The following JARID2 variants were observed in gnomAD, a reference collection of about 807,000 sequenced individuals.
The protein encoded by JARID2 is protein Jumonji.
JARID2 carries 21 observed loss-of-function variants against 125.6 expected under a neutral mutation model. The observed-to-expected ratio is 0.17, with a 90% CI of 0.12 to 0.24. The LOEUF is 0.24. Ranked by LOEUF, JARID2 falls within the 10% of genes least tolerant of loss-of-function variation. The pLI is 1.00. For missense variants in JARID2, 1,303 were observed against 1,639.6 expected (o/e 0.79, Z 3.55); for synonymous variants, 736 against 661.6 (o/e 1.11, Z -1.73).
In JARID2 at chr6:15,418,756, A is replaced by G. The variant is rs1228283121; in HGVS notation, c.323+8391A>G. Among the ~76,000 whole-genome samples, 4 of 152,294 alleles carry G rather than the reference A, an allele frequency of 2.6e-5. No homozygotes were observed. The East Asian group carries it at 7.7e-4, about 29-fold the overall frequency. On this transcript the variant is annotated intron_variant, in intron 3 of 17. Transcript: ENST00000341776. ...GAATGTAAAGAATCATTGGAAGTGT[A>G]TGGATTTCATAACTCAGTGTACTCT...
chr6:15,452,663 C>T (rs747543745), intron 4 of JARID2, among the ~76,000 whole-genome samples: 1 of 152,194 alleles, frequency 6.6e-6, no homozygotes, highest in African/African-American at 2.4e-5. Flanking sequence ...CTGGTACTTT[C>T]AGAGTCTAAT....
chr6:15,287,762 T>C (rs1761058259), intron 1 of JARID2, among the ~76,000 whole-genome samples: 1 of 152,194 alleles, frequency 6.6e-6, no homozygotes, highest in Non-Finnish European at 1.5e-5. Context: ...CGAGGAGACA[T>C]GTCTAGGTTA....
chr6:15,320,514 T>C (rs577120715), intron 1 of JARID2, among the ~76,000 whole-genome samples: 5 of 152,208 alleles, frequency 3.3e-5, no homozygotes, highest in Middle Eastern at 6.3e-3. Flanking sequence ...CTGTTAATTA[T>C]CAAAAACCAT....
chr6:15,250,613 A>G (rs1759409356), intron 1 of JARID2, among the ~76,000 whole-genome samples: 1 of 152,240 alleles, frequency 6.6e-6, no homozygotes, highest in Admixed American at 6.5e-5. Context: ...TATGTCGACA[A>G]GTAATCCAAC....
chr6:15,469,355 CTCTCT>C (rs1768938614), intron 5 of JARID2, among the ~76,000 whole-genome samples: 1 of 19,238 alleles, frequency 5.2e-5, no homozygotes, highest in Non-Finnish European at 1.1e-4. Flanking sequence ...CTCTCTCTCT[CTCTCT>C]CCTCCCCTTC....
chr6:15,286,880 T>A (rs1279480862), intron 1 of JARID2, among the ~76,000 whole-genome samples: 1 of 141,046 alleles, frequency 7.1e-6, no homozygotes. Context: ...AAAAAGCGCC[T>A]CTTAATAGAA....
chr6:15,314,049 G>GT (rs1762103136), intron 1 of JARID2, among the ~76,000 whole-genome samples: 1 of 152,152 alleles, frequency 6.6e-6, no homozygotes, highest in African/African-American at 2.4e-5. Context: ...CTGATGTTGA[G>GT]TCCTTCCAAT....
intron 3 of JARID2, among the ~76,000 whole-genome samples, chr6:15,424,237 G>T (rs748984610): frequency 7.3e-5 from 11 of 151,450 alleles, no homozygotes; most frequent in Non-Finnish European, 5.9e-5. Flanking sequence ...CAAATTTCTG[G>T]AATTACAGTC....
At chr6:15,271,726 A>AC (rs1380710497) in intron 1 of JARID2, among the ~76,000 whole-genome samples, 4 of 152,082 alleles carry the variant, frequency 2.6e-5, no homozygotes, top group Non-Finnish European at 5.9e-5. Context: ...CGGGCCAAGC[A>AC]CAGTGGCTCA....
chr6:15,384,305 T>C (rs1192207679), intron 2 of JARID2, among the ~76,000 whole-genome samples: 1 of 152,060 alleles, frequency 6.6e-6, no homozygotes, highest in East Asian at 1.9e-4. Flanking sequence ...CAGGGTGATC[T>C]TGAACTCCTG....
At chr6:15,494,105 G>T (rs1182752551) in intron 6 of JARID2, among the ~76,000 whole-genome samples, 3 of 152,208 alleles carry the variant, frequency 2.0e-5, no homozygotes, top group African/African-American at 7.2e-5. Context: ...CCTAAGAGAT[G>T]ATGTCCTACC....
Position 15,326,471 on chromosome 6 carries a change from G to GCTTCCAAAGTGC in JARID2, c.46-47646_46-47645insCTTCCAAAGTGC, listed in dbSNP as rs1762537589. On this transcript the variant is annotated intron_variant, in intron 1 of 17. Transcript: ENST00000341776. ...CTTCCAAAGTGCTGAGGTTACAGGA[G>GCTTCCAAAGTGC]TGAGCCACCACGCCTGGCCTGTCAG... 2.6e-5 allele frequency among the ~76,000 whole-genome samples: 4 copies of GCTTCCAAAGTGC among 152,304 alleles called. No individual in the cohort carries two copies. The South Asian group carries it at 8.3e-4, about 32-fold the overall frequency.
At chr6:15,448,924 C>G (rs1035201229) in intron 3 of JARID2, among the ~76,000 whole-genome samples, 2 of 151,510 alleles carry the variant, frequency 1.3e-5, no homozygotes, top group African/African-American at 4.9e-5. Context: ...TGTGTTTTGT[C>G]TTTTTAAATT....
At chr6:15,441,511 C>A (rs77710425) in intron 3 of JARID2, among the ~76,000 whole-genome samples, 1,862 of 152,244 alleles carry the variant, frequency 0.012, 29 homozygotes, top group East Asian at 0.016. Context: ...TGCCTGGGAT[C>A]CCTTTTCTAT....
intron 1 of JARID2, among the ~76,000 whole-genome samples, chr6:15,342,713 C>T (rs1441734174): frequency 1.3e-5 from 2 of 152,112 alleles, no homozygotes; most frequent in African/African-American, 4.8e-5. Flanking sequence ...GTGGTTTATA[C>T]TGGCAAAATT....
chr6:15,474,004 A>G (rs78795505), intron 5 of JARID2, among the ~76,000 whole-genome samples: 5,302 of 152,312 alleles, frequency 0.035, 141 homozygotes, highest in Admixed American at 0.07. Context: ...ACTGTAGAAG[A>G]ACACTGAGCT....
intron 3 of JARID2, among the ~76,000 whole-genome samples, chr6:15,415,625 C>T (rs191902066): frequency 0.012 from 1,641 of 138,742 alleles, 4 homozygotes; most frequent in Non-Finnish European, 0.019. Flanking sequence ...CCGGTCGGGG[C>T]GGCTGGCCGG....
intron 4 of JARID2, among the ~76,000 whole-genome samples, chr6:15,462,531 C>T (rs1019903802): frequency 9.9e-5 from 15 of 152,182 alleles, no homozygotes; most frequent in South Asian, 4.1e-4. Context: ...ATCTTCTATC[C>T]GTTGCCCAAG....
At chr6:15,327,269 G>GGA in intron 1 of JARID2, among the ~76,000 whole-genome samples, 1 of 151,884 alleles carries the variant, frequency 6.6e-6, no homozygotes, top group East Asian at 1.9e-4. Context: ...TTTAAGAGAC[G>GGA]GTCTTGCCCT....
Sources: allele counts gnomAD v4.1 joint callset (sites outside exome capture counted in the v4.1 genomes callset), GRCh38; gene constraint gnomAD v4.1.1; transcripts MANE v1.5; gene names NCBI Gene and HGNC (gene_info 2026-07-23, HGNC 2026-07-21).